HEATR5B: variants seen among roughly 807,000 people sequenced by gnomAD.
The protein encoded by HEATR5B is HEAT repeat containing 5B, also known as HEAT repeat-containing protein 5B.
A neutral mutation model predicts 224.1 loss-of-function variants in HEATR5B; 156 were observed. That is an observed-to-expected ratio of 0.70 (90% CI 0.61 to 0.80). HEATR5B has a LOEUF of 0.80. HEATR5B is among the 30% of genes least tolerant of loss of function. The probability of loss-of-function intolerance (pLI) is 0.00; values close to 1 mark genes in which losing one functional copy is unlikely to be tolerated. For missense variants in HEATR5B, 2,323 were observed against 2,535.5 expected (o/e 0.92, Z 1.80); for synonymous variants, 1,027 against 893.0 (o/e 1.15, Z -2.68).
chr2:37,020,704 G>C lies in HEATR5B; in HGVS notation c.3986C>G (p.Pro1329Arg), dbSNP rs773669092. 131 of 1,603,792 alleles carry C rather than the reference G, an allele frequency of 8.2e-5. 1 individual carries two copies. Among genetic ancestry groups the C allele is most frequent in the Non-Finnish European group, 1.0e-4 (122 of 1,177,864 alleles). Reference protein sequence around the residue: ...EDIIKKFASVPEPEFPGHVIL... With the variant: ...EDIIKKFASVREPEFPGHVIL... ...CACATGACCTGGAAATTCTGGCTCA[G>C]GCACAGACGCAAACTTCTTGATAAT... is the stretch of plus-strand genomic sequence containing the variant. Residue 1329 changes from proline (P) to arginine (R), a missense_variant, in exon 25 of 36, where the codon CCT (proline) becomes CGT (arginine). Around this residue, in one of 12 missense-constraint regions of HEATR5B, gnomAD observed 339 missense variants for 378.4 expected, o/e 0.90. Coordinates refer to ENST00000233099, the MANE Select transcript of HEATR5B (RefSeq NM_019024.3).
At chr2:37,083,175 A>C in intron 2 of HEATR5B, 114 bp downstream of exon 2, 1 of 1,178,142 alleles carries the variant, frequency 8.5e-7, no homozygotes, top group Non-Finnish European at 1.2e-6. Flanking sequence ...TAATACTCTC[A>C]AGTTCCATAA....
chr2:37,045,095 C>G (rs771197301), intron 18 of HEATR5B, among the ~76,000 whole-genome samples: 2 of 152,154 alleles, frequency 1.3e-5, no homozygotes, highest in Non-Finnish European at 2.9e-5. Flanking sequence ...TTCCTTTTCT[C>G]ACATCATGCT....
chr2:37,056,596 G>C lies in HEATR5B; in HGVS notation c.2243C>G (p.Ser748Cys). ...ATCATGCTCCAGAGCCCCACTTCCAGAGGCACTGTTTGGCTGGAGCTGCAA... is the reference window on the plus strand; with the variant it reads ...ATCATGCTCCAGAGCCCCACTTCCACAGGCACTGTTTGGCTGGAGCTGCAA... The part of the protein sequence containing the change: ...IEDQLQPNSA[S>C]GSGALEHDPS... The change falls in exon 16 of 36, where the codon TCT (serine) becomes TGT (cysteine). Residue 748 changes from serine to cysteine, a missense_variant. Ser to Cys is a moderately radical substitution (Grantham distance 112). Coordinates refer to ENST00000233099, the MANE Select transcript of HEATR5B (RefSeq NM_019024.3). 6.2e-7 allele frequency: 1 copy of C among 1,600,590 alleles called. No individual in the cohort carries two copies. Among genetic ancestry groups the C allele is most frequent in the Non-Finnish European group, 8.5e-7 (1 of 1,174,764 alleles).
intron 27 of HEATR5B, among the ~76,000 whole-genome samples, chr2:37,011,549 A>G (rs1414171186): frequency 2.0e-5 from 3 of 152,156 alleles, no homozygotes; most frequent in African/African-American, 7.2e-5. Context: ...TTCATATTCT[A>G]TCTTTGTAAG....
chr2:36,982,680 A>G (rs1186601820), intron 35 of HEATR5B, among the ~76,000 whole-genome samples: 1 of 152,160 alleles, frequency 6.6e-6, no homozygotes, highest in African/African-American at 2.4e-5. Flanking sequence ...AAGCCTTTCC[A>G]GAATCCCAGT....
At chr2:37,028,988 T>TA in intron 22 of HEATR5B, 68 bp from the exon 23 acceptor site, 1 of 1,490,172 alleles carries the variant, frequency 6.7e-7, no homozygotes, top group Non-Finnish European at 9.2e-7. Context: ...ACAATTATGA[T>TA]AAAGACCAAG....
At chr2:37,068,183 T>G (rs1045448066) in intron 8 of HEATR5B, among the ~76,000 whole-genome samples, 1 of 152,186 alleles carries the variant, frequency 6.6e-6, no homozygotes, top group African/African-American at 2.4e-5. Flanking sequence ...ATTGAAAAAT[T>G]TATAAAACTG....
chr2:36,982,769 A>C (rs1304040953), intron 35 of HEATR5B, among the ~76,000 whole-genome samples: 1 of 151,660 alleles, frequency 6.6e-6, no homozygotes, highest in Non-Finnish European at 1.5e-5. Flanking sequence ...CCTGCATCTA[A>C]CTATAGATGT....
chr2:37,009,755 C>T (rs904443062), intron 27 of HEATR5B, among the ~76,000 whole-genome samples: 3 of 149,536 alleles, frequency 2.0e-5, no homozygotes, highest in African/African-American at 4.9e-5. Flanking sequence ...CCTCATTCTA[C>T]TTTACAAAGC....
intron 20 of HEATR5B, 43 bp from the exon 21 acceptor site, chr2:37,038,067 T>C (rs1223489130): frequency 1.6e-6 from 2 of 1,223,592 alleles, no homozygotes; most frequent in Non-Finnish European, 2.2e-6. Context: ...ATTATTTTAT[T>C]AGTACCACCA....
At chr2:37,049,055 G>C (rs1396526053) in intron 18 of HEATR5B, among the ~76,000 whole-genome samples, 1 of 152,110 alleles carries the variant, frequency 6.6e-6, no homozygotes, top group Non-Finnish European at 1.5e-5. Flanking sequence ...TTATGCACTT[G>C]ATTAACAAGT....
At chr2:37,002,603 C>A in intron 31 of HEATR5B, 31 bp from the exon 32 acceptor site, 3 of 1,590,008 alleles carry the variant, frequency 1.9e-6, no homozygotes, top group South Asian at 2.3e-5. Flanking sequence ...GTGAAATTTC[C>A]AGCCAAAAAA....
intron 21 of HEATR5B, among the ~76,000 whole-genome samples, chr2:37,035,085 C>T (rs1370209513): frequency 6.6e-6 from 1 of 152,116 alleles, no homozygotes; most frequent in Non-Finnish European, 1.5e-5. Context: ...ATATGGAGAA[C>T]ATCATAACAT....
rs758471156 is a variant in HEATR5B, at chr2:37,028,046, G to A, written c.3730C>T (p.Arg1244Cys). The change falls in exon 24 of 36, where the codon CGC becomes TGC. Residue 1244 changes from arginine (R) to cysteine (C), a missense_variant. Around this residue, in one of 12 missense-constraint regions of HEATR5B, gnomAD observed 339 missense variants for 378.4 expected, o/e 0.90. Coordinates refer to ENST00000233099, the MANE Select transcript of HEATR5B (RefSeq NM_019024.3). The stretch of plus-strand genomic sequence containing the variant: ...GCAGCAAATACTCGAGTGGCCCAGC[G>A]AGGGGCCACAAAGGGCTTTGATTTA... ...EDKSKPFVAPRWATRVFAADC... is the reference protein window; with the variant it reads ...EDKSKPFVAPCWATRVFAADC... 4.3e-6 allele frequency: 7 copies of A among 1,614,128 alleles called. No individual in the cohort carries two copies. Among genetic ancestry groups the A allele is most frequent in the South Asian group, 2.2e-5 (2 of 91,076 alleles).
At chr2:37,051,777 T>A (rs1670566860) in intron 17 of HEATR5B, among the ~76,000 whole-genome samples, 1 of 151,946 alleles carries the variant, frequency 6.6e-6, no homozygotes, top group African/African-American at 2.4e-5. Flanking sequence ...TCTTGCTCTG[T>A]CCCCCAGGCT....
At chr2:37,069,265 G>A (rs1671767813) in intron 7 of HEATR5B, among the ~76,000 whole-genome samples, 2 of 152,142 alleles carry the variant, frequency 1.3e-5, no homozygotes, top group African/African-American at 2.4e-5. Context: ...AATAAACACT[G>A]ACTTAGAGCT....
rs150928388 is a variant in HEATR5B at position 37,037,938 on chromosome 2, C to T, written c.3133G>A (p.Ala1045Thr). The change falls in exon 21 of 36, where the codon GCA (alanine) becomes ACA (threonine). Residue 1045 changes from alanine (A) to threonine (T), a missense_variant. By Grantham distance (58) the Ala-to-Thr change is moderately conservative. Coordinates refer to ENST00000233099, the MANE Select transcript of HEATR5B (RefSeq NM_019024.3). ...TQDHSDSLVQ[A>T]AAISCLQQLH... ...TGCTGAAGGCAAGATATGGCAGCTG[C>T]CTGAACAAGAGAATCTGAATGGTCT... is the stretch of plus-strand genomic sequence containing the variant. 1,997 of 1,601,122 alleles carry T rather than the reference C, an allele frequency of 1.2e-3. 25 individuals carry two copies. The African/African-American group carries it at 0.024, about 19-fold the overall frequency.
chr2:37,061,847 G>C (rs1239463355), intron 11 of HEATR5B, 92 bp downstream of exon 11: 4 of 684,510 alleles, frequency 5.8e-6, no homozygotes, highest in Non-Finnish European at 1.0e-5. Context: ...TGAAAATCCA[G>C]AATGTGAAGC....
In HEATR5B at chr2:37,008,731, T is replaced by C; in HGVS notation, c.4402A>G (p.Ser1468Gly). ...TCAGGTTGTACCAGTGTTATTAAAC[T>C]ATCTGGTGGCAGTTCATCGATGGTA... Reference protein sequence around the residue: ...CGTIDELPPDSLITLVQPELP... With the variant: ...CGTIDELPPDGLITLVQPELP... Residue 1468 changes from serine to glycine, a missense_variant, in exon 28 of 36, where the codon AGT becomes GGT. Physicochemically the swap from Ser to Gly is moderately conservative, Grantham distance 56 (BLOSUM62 0). This residue lies in a region of HEATR5B where 844 missense variants were observed against 812.9 expected (regional missense o/e 1.04). Transcript: ENST00000233099. 1 of 1,613,688 alleles carries C rather than the reference T, an allele frequency of 6.2e-7. No individual in the cohort carries two copies. The highest frequency in any genetic ancestry group is 8.5e-7 in the Non-Finnish European group (1 of 1,179,568).
Sources: gnomAD v4.1 joint callset for allele counts (sites outside exome capture counted in the v4.1 genomes callset) on GRCh38, gnomAD v4.1.1 for gene constraint, gnomAD v4.1.1 regional missense constraint, MANE v1.5 for transcripts, NCBI Gene and HGNC (gene_info 2026-07-23, HGNC 2026-07-21) for gene names.